TMC2: variants seen among roughly 807,000 people sequenced by gnomAD.
TMC2 encodes the protein transmembrane channel like 2.
TMC2 carries 102 observed loss-of-function variants against 105.9 expected under a neutral mutation model. The ratio of observed to expected loss-of-function variants is 0.96; its 90% CI spans 0.82 to 1.14. The LOEUF is 1.14. Among genes scored for constraint, TMC2 ranks in the 50% most tolerant of loss-of-function variants. The probability of loss-of-function intolerance (pLI) is 0.00; values close to 1 mark genes in which losing one functional copy is unlikely to be tolerated. For missense variants in TMC2, 1,093 were observed against 1,134.3 expected, an observed-to-expected ratio of 0.96 and a Z score of 0.52; for synonymous variants, 402 against 422.8, an observed-to-expected ratio of 0.95 and a Z score of 0.60.
chr20:2,540,481 T>G lies in TMC2; in HGVS notation c.82+3165T>G, dbSNP rs138833497. On this transcript the variant is annotated intron_variant, in intron 2 of 19. Coordinates refer to ENST00000358864, the MANE Select transcript of TMC2 (RefSeq NM_080751.3). ...TTCAAGACTAGCCTGGTCAACATGG[T>G]GAAACCCTGTCTCTACTAAAAATAC... Among the ~76,000 whole-genome samples, 1,444 of 151,520 alleles carry G rather than the reference T, an allele frequency of 9.5e-3. 22 individuals carry two copies. Among genetic ancestry groups the G allele is most frequent in the African/African-American group, 0.032 (1,325 of 41,368 alleles).
chr20:2,634,856 T>G (rs1422352839), intron 17 of TMC2, among the ~76,000 whole-genome samples: 1 of 152,212 alleles, frequency 6.6e-6, no homozygotes, highest in East Asian at 1.9e-4. Context: ...AATCTCTGAA[T>G]CCTTGCTTCA....
chr20:2,604,853 C>T (rs1382891583), intron 11 of TMC2, among the ~76,000 whole-genome samples: 1 of 152,196 alleles, frequency 6.6e-6, no homozygotes, highest in Non-Finnish European at 1.5e-5. Flanking sequence ...TTGCCCATAC[C>T]TTACCCTATG....
At chr20:2,547,405 A>G (rs2085931983) in intron 2 of TMC2, among the ~76,000 whole-genome samples, 3 of 152,234 alleles carry the variant, frequency 2.0e-5, no homozygotes, top group Admixed American at 2.0e-4. Flanking sequence ...AAATCTCTGG[A>G]TATAGAACAC....
chr20:2,637,045 CTCCAATCAGTTG>C (rs2086652196), intron 18 of TMC2, among the ~76,000 whole-genome samples: 1 of 152,144 alleles, frequency 6.6e-6, no homozygotes, highest in Admixed American at 6.5e-5. Flanking sequence ...AGGCTGCCCT[CTCCAATCAGTTG>C]TGAGGACCAG....
intron 11 of TMC2, among the ~76,000 whole-genome samples, chr20:2,609,878 TG>T (rs1267940453): frequency 6.6e-6 from 1 of 152,172 alleles, no homozygotes; most frequent in Non-Finnish European, 1.5e-5. Context: ...GATGGAGTCT[TG>T]CTCTGTCACC....
At chr20:2,590,693 T>G (rs1481821787) in intron 7 of TMC2, among the ~76,000 whole-genome samples, 1 of 152,018 alleles carries the variant, frequency 6.6e-6, no homozygotes, top group Non-Finnish European at 1.5e-5. Context: ...CTTATACACT[T>G]CGTACAAAAA....
intron 2 of TMC2, among the ~76,000 whole-genome samples, chr20:2,554,016 C>T (rs1020128397): frequency 6.6e-6 from 1 of 152,108 alleles, no homozygotes; most frequent in African/African-American, 2.4e-5. Context: ...TCCCGAGTAG[C>T]TGGGATTACA....
chr20:2,562,047 T>A (rs2086030614), intron 4 of TMC2, 37 bp downstream of exon 4: 1 of 1,593,106 alleles, frequency 6.3e-7, no homozygotes, highest in African/African-American at 1.3e-5. Flanking sequence ...CCTTCCGATG[T>A]CCACAGCTCC....
intron 5 of TMC2, among the ~76,000 whole-genome samples, chr20:2,578,442 T>C (rs1009502255): frequency 6.6e-6 from 1 of 152,240 alleles, no homozygotes; most frequent in African/African-American, 2.4e-5. Context: ...CCAAATGGAT[T>C]TGTTTCCACA....
intron 9 of TMC2, 62 bp downstream of exon 9, chr20:2,595,029 A>G: frequency 6.4e-7 from 1 of 1,556,834 alleles, no homozygotes; most frequent in Non-Finnish European, 8.7e-7. Flanking sequence ...TCCCCTGGCC[A>G]CTCTATGCCT....
chr20:2,579,843 T>A, intron 6 of TMC2, 107 bp from the exon 7 acceptor site: 4 of 664,948 alleles, frequency 6.0e-6, no homozygotes, highest in Non-Finnish European at 1.1e-5. Flanking sequence ...CCAGGTGTCA[T>A]TCAACAGACT....
chr20:2,616,235 T>C lies in TMC2; in HGVS notation c.1940+31T>C. The C allele has an allele frequency of 1.9e-6, 3 of 1,585,376 alleles. No homozygotes were observed. The highest frequency in any genetic ancestry group is 2.6e-6 in the Non-Finnish European group (3 of 1,153,940). Reference sequence around the variant, plus strand: ...TTATCCATTTCATCTGGTGATCGCCTCATCCAAGGAGTCAAAAAACTGGAA... The same window carrying C: ...TTATCCATTTCATCTGGTGATCGCCCCATCCAAGGAGTCAAAAAACTGGAA... On this transcript the variant is annotated intron_variant, in intron 15 of 19. Coordinates refer to ENST00000358864, the MANE Select transcript of TMC2 (RefSeq NM_080751.3). This position sits in a 1 kb window ranked among gnomAD's most constrained non-coding sequence, Gnocchi z 4.8.
At chr20:2,625,293 T>C (rs76285764) in intron 17 of TMC2, among the ~76,000 whole-genome samples, 3,218 of 152,342 alleles carry the variant, frequency 0.021, 42 homozygotes, top group Non-Finnish European at 0.032. Context: ...ATTCAACAGA[T>C]GTTAACATTT....
intron 9 of TMC2, among the ~76,000 whole-genome samples, chr20:2,595,846 C>T (rs1568518106): frequency 6.6e-6 from 1 of 152,236 alleles, no homozygotes; most frequent in East Asian, 1.9e-4. Context: ...GCAATGGGGA[C>T]GCTTGGTTTT....
At chr20:2,586,043 C>T (rs866763943) in intron 7 of TMC2, among the ~76,000 whole-genome samples, 1 of 152,248 alleles carries the variant, frequency 6.6e-6, no homozygotes, top group Middle Eastern at 3.4e-3. Context: ...CACATTGAAC[C>T]CTCTGGTCCT....
intron 4 of TMC2, among the ~76,000 whole-genome samples, chr20:2,567,538 T>C (rs555842551): frequency 6.6e-6 from 1 of 152,324 alleles, no homozygotes; most frequent in African/African-American, 2.4e-5. Flanking sequence ...TAGAATTGTC[T>C]GACAAAGGTT....
At chr20:2,560,322 A>G (rs1224181512) in intron 3 of TMC2, among the ~76,000 whole-genome samples, 4 of 152,186 alleles carry the variant, frequency 2.6e-5, no homozygotes, top group Non-Finnish European at 4.4e-5. Context: ...AGGGCATCCT[A>G]AAACTTCTTC....
At chr20:2,605,654 A>C (rs2086385631) in intron 11 of TMC2, among the ~76,000 whole-genome samples, 1 of 152,184 alleles carries the variant, frequency 6.6e-6, no homozygotes, top group Non-Finnish European at 1.5e-5. Flanking sequence ...GAGGAGGAGG[A>C]GACACGATTC....
rs763502345 is a variant in TMC2 at position 2,558,699 on chromosome 20, A to G, written c.326A>G (p.Glu109Gly). The G allele has an allele frequency of 6.2e-7, 1 of 1,604,518 alleles. No individual in the cohort carries two copies. The highest frequency in any genetic ancestry group is 1.1e-5 in the South Asian group (1 of 89,478). ...RKRDERASFQ[E>G]RTAAPKREKE... The stretch of plus-strand genomic sequence containing the variant: ...CGCGACGAGAGGGCCTCCTTCCAGG[A>G]GCGGACAGCAGCCCCAAAGAGGGAA... The change falls in exon 3 of 20, where the codon GAG becomes GGG. Residue 109 changes from glutamate (E) to glycine (G), a missense_variant. Transcript: ENST00000358864. The surrounding 1 kb of genome is among the most constrained non-coding windows in gnomAD (Gnocchi z 4.6).
Sources: allele counts gnomAD v4.1 joint callset (sites outside exome capture counted in the v4.1 genomes callset), GRCh38; gene constraint gnomAD v4.1.1; non-coding constraint Gnocchi (gnomAD v3.1); transcripts MANE v1.5; gene names NCBI Gene and HGNC (gene_info 2026-07-23, HGNC 2026-07-21).